ATR: variants seen among roughly 807,000 people sequenced by gnomAD.
The protein encoded by ATR is ATR checkpoint kinase.
In ATR, 142 loss-of-function variants were observed where a neutral mutation model predicts 305.3. The ratio of observed to expected loss-of-function variants is 0.47; its 90% CI spans 0.41 to 0.53. The LOEUF is 0.53. Among genes scored for constraint, ATR ranks in the 20% least tolerant of loss-of-function variants. The probability of loss-of-function intolerance (pLI) is 0.00; values close to 1 mark genes in which losing one functional copy is unlikely to be tolerated. For synonymous variants in ATR, 1,050 were observed against 1,068.1 expected (o/e 0.98, Z 0.33); for missense variants, 2,135 against 3,133.1 (o/e 0.68, Z 7.60).
intron 27 of ATR, among the ~76,000 whole-genome samples, chr3:142,508,600 A>T (rs2032377229): frequency 1.3e-5 from 2 of 152,202 alleles, no homozygotes; most frequent in South Asian, 4.1e-4. Context: ...CTTGGTTGCC[A>T]AAAATACAGT....
intron 2 of ATR, 66 bp downstream of exon 2, chr3:142,567,997 T>C (rs927564183): frequency 2.3e-6 from 3 of 1,290,384 alleles, no homozygotes; most frequent in African/African-American, 1.5e-5. Context: ...AATGCTACTA[T>C]AATTTATACA....
intron 1 of ATR, among the ~76,000 whole-genome samples, chr3:142,576,843 T>C (rs1276407129): frequency 2.0e-5 from 3 of 152,038 alleles, no homozygotes; most frequent in Non-Finnish European, 4.4e-5. Context: ...AAAAAAACAA[T>C]AGGACAAAAT....
At chr3:142,540,753 G>C in intron 18 of ATR, 151 bp downstream of exon 18, 2 of 1,046,948 alleles carry the variant, frequency 1.9e-6, no homozygotes, top group Non-Finnish European at 1.4e-6. Context: ...TTTAAAAGAA[G>C]TAAATATGTT....
chr3:142,543,172 G>C (rs1208940776), intron 16 of ATR, among the ~76,000 whole-genome samples: 1 of 152,106 alleles, frequency 6.6e-6, no homozygotes. Flanking sequence ...AGAAAAGTAC[G>C]ATTAAGGAAA....
At chr3:142,544,477 AAAAG>A (rs1161825348) in intron 16 of ATR, among the ~76,000 whole-genome samples, 8 of 149,866 alleles carry the variant, frequency 5.3e-5, no homozygotes, top group African/African-American at 2.0e-4. Context: ...AAAAAAAAAA[AAAAG>A]ATACCATTCA....
intron 13 of ATR, among the ~76,000 whole-genome samples, chr3:142,551,908 T>C (rs922206204): frequency 1.8e-4 from 28 of 152,260 alleles, no homozygotes; most frequent in African/African-American, 7.2e-5. Context: ...GAGAAAATGT[T>C]TGCAATCTAT....
chr3:142,545,936 A>G (rs557297319), intron 16 of ATR, among the ~76,000 whole-genome samples: 2 of 152,228 alleles, frequency 1.3e-5, no homozygotes, highest in South Asian at 4.2e-4. Context: ...TATATTTGGA[A>G]TTGTTTGAGA....
At chr3:142,521,154 GA>G (rs2033133860) in intron 23 of ATR, among the ~76,000 whole-genome samples, 1 of 152,124 alleles carries the variant, frequency 6.6e-6, no homozygotes, top group South Asian at 2.1e-4. Context: ...AAAATTATGT[GA>G]AATCTACTCT....
Position 142,498,689 on chromosome 3 carries a change from T to C in ATR, c.5466A>G (p.Ser1822=). ...KKRDITAFYD[S]LKLVRAEQIV... ...TTTGTTCTGCTCTCACTAGTTTCAG[T>C]GAGTCATAAAAAGCTGTGATATCTC... The change falls in exon 32 of 47, where the codon TCA becomes TCG. Residue 1822 remains serine (S), a synonymous_variant. Coordinates refer to ENST00000350721, the MANE Select transcript of ATR (RefSeq NM_001184.4). 2 of 1,614,132 alleles carry C rather than the reference T, an allele frequency of 1.2e-6. No individual in the cohort carries two copies. The highest frequency in any genetic ancestry group is 1.7e-6 in the Non-Finnish European group (2 of 1,179,984).
chr3:142,506,211 G>A (rs2032227157), intron 28 of ATR, among the ~76,000 whole-genome samples: 1 of 152,194 alleles, frequency 6.6e-6, no homozygotes, highest in Non-Finnish European at 1.5e-5. Flanking sequence ...TCCGGAAACA[G>A]AGAGATGGGA....
At chr3:142,516,928 C>T (rs1327473282) in intron 24 of ATR, among the ~76,000 whole-genome samples, 1 of 150,244 alleles carries the variant, frequency 6.7e-6, no homozygotes, top group Admixed American at 6.6e-5. Context: ...TTTCAAATCA[C>T]CAATAAAAGC....
chr3:142,560,584 A>T (rs113824674), intron 5 of ATR, 130 bp from the exon 6 acceptor site: 19 of 710,000 alleles, frequency 2.7e-5, no homozygotes, highest in African/African-American at 5.4e-5. Flanking sequence ...TTTGTGAGAC[A>T]GAGTCTCACT....
Position 142,547,830 on chromosome 3 carries a change from T to C in ATR, c.3252A>G (p.Gly1084=), listed in dbSNP as rs2108451402. Residue 1084 remains glycine (G), a synonymous_variant, in exon 16 of 47, where the codon GGA becomes GGG. Transcript: ENST00000350721. ...GLHNELLLRI[G]EHYQQVFNGL... ...CATTAAAAACCTGTTGATAGTGTTC[T>C]CCAATACGCAGCAATAATTCATTAT... 6.2e-7 allele frequency: 1 copy of C among 1,613,990 alleles called. No homozygotes were observed. The highest frequency in any genetic ancestry group is 8.5e-7 in the Non-Finnish European group (1 of 1,179,910).
At position 142,541,034 on chromosome 3, in the gene ATR, C is replaced by T; in HGVS notation, c.3451G>A (p.Ala1151Thr). ...SSVGIEDKKM[A>T]LNSLMSLMKL... Reference sequence around the variant, plus strand: ...ATCAAAGACATCAAACTGTTCAAGGCCTATAGAGTTAAGTAGTGCTTCAGA... The same window carrying T: ...ATCAAAGACATCAAACTGTTCAAGGTCTATAGAGTTAAGTAGTGCTTCAGA... The change falls in exon 18 of 47, where the codon GCC becomes ACC. Residue 1151 changes from alanine to threonine, a missense_variant and splice_region_variant. By Grantham distance (58) the Ala-to-Thr change is moderately conservative. Transcript: ENST00000350721. The T allele has an allele frequency of 6.2e-7, 1 of 1,613,474 alleles. No individual in the cohort carries two copies. Among genetic ancestry groups the T allele is most frequent in the African/African-American group, 1.3e-5 (1 of 74,982 alleles).
rs2031778089 is a variant in ATR, at chr3:142,498,594, T to C, written c.5558+3A>G. 3 of 1,612,566 alleles carry C rather than the reference T, an allele frequency of 1.9e-6. No homozygotes were observed. The highest frequency in any genetic ancestry group is 2.5e-6 in the Non-Finnish European group (3 of 1,179,802). On this transcript the variant is annotated splice_donor_region_variant and intron_variant, in intron 32 of 46. Transcript: ENST00000350721. ...AAATATAAAAATGGAAATTCCAAAA[T>C]ACCTCACAATATATTCATATCCTCG... is the stretch of plus-strand genomic sequence containing the variant.
At chr3:142,473,689 G>A (rs967930166) in intron 36 of ATR, among the ~76,000 whole-genome samples, 4 of 151,664 alleles carry the variant, frequency 2.6e-5, no homozygotes, top group African/African-American at 7.3e-5. Context: ...AGGATTACAG[G>A]TGCATGCCAC....
intron 35 of ATR, 98 bp downstream of exon 35, chr3:142,493,034 T>A (rs1200574862): frequency 2.9e-6 from 4 of 1,367,326 alleles, no homozygotes; most frequent in African/African-American, 1.5e-5. Context: ...GTCAAAAAAA[T>A]TTCCTGGTTA....
chr3:142,453,788 C>A (rs1337908970), intron 45 of ATR, among the ~76,000 whole-genome samples: 1 of 152,204 alleles, frequency 6.6e-6, no homozygotes, highest in Non-Finnish European at 1.5e-5. Flanking sequence ...ATCTAGGAAT[C>A]ATCCTCACCC....
At chr3:142,553,522 T>G in intron 12 of ATR, 118 bp downstream of exon 12, 1 of 1,447,614 alleles carries the variant, frequency 6.9e-7, no homozygotes, top group Non-Finnish European at 9.6e-7. Context: ...AAATTCATGT[T>G]GACTCACATT....
Sources: allele counts gnomAD v4.1 joint callset (sites outside exome capture counted in the v4.1 genomes callset), GRCh38; gene constraint gnomAD v4.1.1; transcripts MANE v1.5; gene names NCBI Gene and HGNC (gene_info 2026-07-23, HGNC 2026-07-21).